LINGO2: variants seen among roughly 807,000 people sequenced by gnomAD.
LINGO2 encodes leucine rich repeat and Ig domain containing 2.
LINGO2 carries 14 observed loss-of-function variants against 30.6 expected under a neutral mutation model. The observed-to-expected ratio is 0.46, with a 90% CI of 0.30 to 0.72. LINGO2 has a LOEUF of 0.72. LINGO2 is among the 30% of genes least tolerant of loss of function. LINGO2 has a pLI of 0.07. For missense variants in LINGO2, 729 were observed against 751.7 expected (o/e 0.97, Z 0.35); for synonymous variants, 317 against 288.5 (o/e 1.10, Z -1.00).
At chr9:28,814,404 T>C in the LINGO2 span, among the ~76,000 whole-genome samples, 2 of 152,026 alleles carry the variant, frequency 1.3e-5, no homozygotes, top group African/African-American at 4.8e-5. Context: ...GCCACTGCAC[T>C]CCAGCCGGGC....
chr9:28,670,117 G>A (rs1429011873), intron 1 of LINGO2, 83 bp downstream of exon 3: 1 of 151,668 alleles, frequency 6.6e-6, no homozygotes, highest in Non-Finnish European at 1.5e-5. Context: ...CCACTTCCTT[G>A]GTATAATAAA....
chr9:28,149,037 C>T (rs1827903003), intron 4 of LINGO2: 11 of 1,534,412 alleles, frequency 7.2e-6, no homozygotes, highest in Non-Finnish European at 9.6e-6. Flanking sequence ...GAGGGGCCCC[C>T]ACCGGCTAAG....
the LINGO2 span, among the ~76,000 whole-genome samples, chr9:29,037,468 G>C: frequency 6.6e-6 from 1 of 151,812 alleles, no homozygotes; most frequent in African/African-American, 2.4e-5. Context: ...TAGTTTTCTA[G>C]AACAAATAAT....
the LINGO2 span, among the ~76,000 whole-genome samples, chr9:28,686,733 G>A: frequency 3.9e-5 from 6 of 151,940 alleles, no homozygotes; most frequent in East Asian, 1.9e-4. Context: ...TACATCCATC[G>A]GACACCTTTG....
At chr9:29,180,691 TTA>T in the LINGO2 span, among the ~76,000 whole-genome samples, 1 of 152,188 alleles carries the variant, frequency 6.6e-6, no homozygotes, top group Non-Finnish European at 1.5e-5. Context: ...CACTTCTTAA[TTA>T]TAAAGAAGTT....
At chr9:28,070,938 C>G (rs1825456970) in intron 4 of LINGO2, among the ~76,000 whole-genome samples, 1 of 152,142 alleles carries the variant, frequency 6.6e-6, no homozygotes, top group South Asian at 2.1e-4. Flanking sequence ...TGGTATCAAA[C>G]TCCTGGTCTC....
chr9:27,945,572 T>C (rs114956429), downstream of LINGO2, among the ~76,000 whole-genome samples: 844 of 152,240 alleles, frequency 5.5e-3, 8 homozygotes, highest in African/African-American at 0.019. Flanking sequence ...CTTTCTGGGA[T>C]ACTTTGAAAC....
intron 4 of LINGO2, among the ~76,000 whole-genome samples, chr9:28,132,838 C>T (rs1443323366): frequency 6.6e-6 from 1 of 152,202 alleles, no homozygotes; most frequent in African/African-American, 2.4e-5. Context: ...TGACCTTGAC[C>T]TGTTTGCTTT....
intron 4 of LINGO2, among the ~76,000 whole-genome samples, chr9:28,219,305 A>G (rs967428645): frequency 6.6e-6 from 1 of 152,190 alleles, no homozygotes; most frequent in Non-Finnish European, 1.5e-5. Flanking sequence ...GGCTTTCTGC[A>G]TACTTGCTCT....
intron 1 of LINGO2, among the ~76,000 whole-genome samples, chr9:28,524,747 C>T (rs1288233842): frequency 1.3e-5 from 2 of 152,026 alleles, no homozygotes; most frequent in Non-Finnish European, 2.9e-5. Flanking sequence ...AGCAAGACTC[C>T]GTCTCAAAAT....
rs370676977 is a variant in LINGO2, at chr9:28,267,669, T to C, written c.-87+27539A>G. Among the ~76,000 whole-genome samples, 7 of 152,146 alleles carry C rather than the reference T, an allele frequency of 4.6e-5. No homozygotes were observed. The East Asian group carries it at 9.7e-4, about 21-fold the overall frequency. ...AATCCTGAGCCCAGCTTCAACTCAA[T>C]GTTTCCTCTTTTATGAACCCTTCAT... On this transcript the variant is annotated intron_variant, in intron 4 of 5. Transcript: ENST00000379992.
the LINGO2 span, among the ~76,000 whole-genome samples, chr9:28,697,272 G>A: frequency 3.3e-5 from 5 of 151,852 alleles, no homozygotes; most frequent in Admixed American, 2.6e-4. Flanking sequence ...GTCTAGACCT[G>A]CTTCCTATTT....
intron 4 of LINGO2, among the ~76,000 whole-genome samples, chr9:28,251,482 A>G (rs184692028): frequency 3.3e-5 from 5 of 152,266 alleles, no homozygotes; most frequent in African/African-American, 1.2e-4. Flanking sequence ...AAGTCCTCTT[A>G]TTTGAGGATT....
rs73445990 is a variant in LINGO2, at chr9:28,207,702, T to A, written c.-87+87506A>T. On this transcript the variant is annotated intron_variant, in intron 4 of 5. Coordinates refer to ENST00000379992, the Ensembl canonical transcript of LINGO2. ...TTATGTATATGTCTCAGCTCTGGAA[T>A]ATGAGATTTATGAGTTCAAAAGAAA... is the stretch of plus-strand genomic sequence containing the variant. Among the ~76,000 whole-genome samples the A allele has an allele frequency of 5.3e-3, 810 of 152,252 alleles. 5 individuals are homozygous for A. Among genetic ancestry groups the A allele is most frequent in the African/African-American group, 0.019 (776 of 41,564 alleles).
the LINGO2 span, among the ~76,000 whole-genome samples, chr9:29,123,550 G>A: frequency 6.6e-6 from 1 of 151,436 alleles, no homozygotes. Context: ...AAAAATCCTA[G>A]ATAGTGAAGA....
the LINGO2 span, among the ~76,000 whole-genome samples, chr9:28,994,607 G>C: frequency 3.3e-5 from 5 of 151,000 alleles, no homozygotes; most frequent in African/African-American, 1.2e-4. Context: ...CACGCTACCT[G>C]ACTTCAAACT....
At chr9:28,208,644 A>C (rs1820491065) in intron 4 of LINGO2, among the ~76,000 whole-genome samples, 1 of 151,914 alleles carries the variant, frequency 6.6e-6, no homozygotes, top group Non-Finnish European at 1.5e-5. Flanking sequence ...ACGGAGAATA[A>C]ACTTGCTATC....
At chr9:28,731,240 C>G in the LINGO2 span, among the ~76,000 whole-genome samples, 26 of 152,050 alleles carry the variant, frequency 1.7e-4, no homozygotes, top group Non-Finnish European at 2.9e-5. Context: ...CCACCCGCCT[C>G]GGCCTCCCAA....
At chr9:29,172,350 CT>C in the LINGO2 span, among the ~76,000 whole-genome samples, 2 of 151,754 alleles carry the variant, frequency 1.3e-5, no homozygotes, top group Non-Finnish European at 3.0e-5. Flanking sequence ...CAAGATGACT[CT>C]CCTCAGTTTA....
Sources: gnomAD v4.1 joint callset for allele counts (sites outside exome capture counted in the v4.1 genomes callset) on GRCh38, gnomAD v4.1.1 for gene constraint, MANE v1.5 for transcripts, NCBI Gene and HGNC (gene_info 2026-07-23, HGNC 2026-07-21) for gene names.